SGCZ: variants seen among roughly 807,000 people sequenced by gnomAD.
The protein encoded by SGCZ is sarcoglycan zeta, also known as zeta-sarcoglycan.
Under a neutral mutation model 41.3 loss-of-function variants are expected in SGCZ, and 40 were observed. That is an observed-to-expected ratio of 0.97 (90% CI 0.75 to 1.26). SGCZ has a LOEUF of 1.26. Ranked by LOEUF, SGCZ falls within the 50% of genes most tolerant of loss-of-function variation. The pLI, the probability that SGCZ is intolerant of heterozygous loss-of-function variation, is 0.00. For synonymous variants in SGCZ, 206 were observed against 137.5 expected (o/e 1.50, Z -3.49); for missense variants, 552 against 369.8 (o/e 1.49, Z -4.04).
chr8:15,197,472 G>T (rs760730301), intron 1 of SGCZ, among the ~76,000 whole-genome samples: 44 of 152,282 alleles, frequency 2.9e-4, no homozygotes, highest in Non-Finnish European at 5.4e-4. Flanking sequence ...AAATAAGAAG[G>T]TGGTGTAGGA....
chr8:15,158,963 C>T (rs1799415668), intron 1 of SGCZ, among the ~76,000 whole-genome samples: 1 of 152,172 alleles, frequency 6.6e-6, no homozygotes, highest in Non-Finnish European at 1.5e-5. Context: ...CTCCTAAAAT[C>T]CTTAAAATCT....
At chr8:14,771,945 T>C (rs1585246977) in intron 1 of SGCZ, among the ~76,000 whole-genome samples, 1 of 152,188 alleles carries the variant, frequency 6.6e-6, no homozygotes. Flanking sequence ...ATGATATCTA[T>C]TTGATTTCAT....
intron 1 of SGCZ, among the ~76,000 whole-genome samples, chr8:15,223,186 T>C (rs568871491): frequency 1.1e-3 from 163 of 152,244 alleles, no homozygotes; most frequent in African/African-American, 3.8e-3. Context: ...CTGTCATCCG[T>C]TTCTGAAACC....
At chr8:14,326,770 C>A (rs1016644493) in intron 2 of SGCZ, among the ~76,000 whole-genome samples, 1 of 152,030 alleles carries the variant, frequency 6.6e-6, no homozygotes, top group Non-Finnish European at 1.5e-5. Flanking sequence ...TGATTTACAC[C>A]AGTTTTATAG....
intron 1 of SGCZ, among the ~76,000 whole-genome samples, chr8:14,986,936 G>T (rs1801843553): frequency 6.6e-6 from 1 of 151,754 alleles, no homozygotes; most frequent in South Asian, 2.1e-4. Flanking sequence ...CGTAATTGTG[G>T]AAAAAATTAA....
At chr8:14,551,863 C>G (rs1462943655) in intron 2 of SGCZ, among the ~76,000 whole-genome samples, 1 of 150,374 alleles carries the variant, frequency 6.7e-6, no homozygotes, top group Non-Finnish European at 1.5e-5. Flanking sequence ...ATACATCATG[C>G]AGAATATCGC....
At chr8:15,124,713 T>G (rs749365002) in intron 1 of SGCZ, among the ~76,000 whole-genome samples, 4 of 152,202 alleles carry the variant, frequency 2.6e-5, no homozygotes, top group Non-Finnish European at 5.9e-5. Flanking sequence ...TTTTTTAAAA[T>G]TATTATGAGG....
chr8:14,615,016 A>G (rs911718779), intron 1 of SGCZ, among the ~76,000 whole-genome samples: 1 of 152,050 alleles, frequency 6.6e-6, no homozygotes, highest in Admixed American at 6.6e-5. Flanking sequence ...GTGTGTGTAT[A>G]TATATATATG....
At chr8:14,894,849 T>C (rs1453657738) in intron 1 of SGCZ, among the ~76,000 whole-genome samples, 1 of 152,116 alleles carries the variant, frequency 6.6e-6, no homozygotes, top group Non-Finnish European at 1.5e-5. Flanking sequence ...AAGTTACTTC[T>C]CCTCAGAGTT....
At chr8:14,695,945 G>C (rs1405650074) in intron 1 of SGCZ, among the ~76,000 whole-genome samples, 1 of 151,926 alleles carries the variant, frequency 6.6e-6, no homozygotes, top group South Asian at 2.1e-4. Context: ...AAAAATAAAA[G>C]CTAAAACCTT....
intron 1 of SGCZ, among the ~76,000 whole-genome samples, chr8:14,575,813 G>A (rs67307558): frequency 0.24 from 35,845 of 151,300 alleles, 4,326 homozygotes; most frequent in Admixed American, 0.26. Context: ...GGCTGAGGCA[G>A]GAGAATCGCT....
chr8:14,999,138 T>C (rs1436662878), intron 1 of SGCZ, among the ~76,000 whole-genome samples: 3 of 152,194 alleles, frequency 2.0e-5, no homozygotes, highest in Non-Finnish European at 4.4e-5. Flanking sequence ...AAACAATGTG[T>C]GAATGTTTCC....
chr8:14,846,098 A>T (rs999167840), intron 1 of SGCZ, among the ~76,000 whole-genome samples: 12 of 152,100 alleles, frequency 7.9e-5, no homozygotes, highest in African/African-American at 2.9e-4. Flanking sequence ...ATTTCAAAAC[A>T]CCTCTCTCAA....
At chr8:14,411,808 ACTTAAAAATGTGCT>A (rs1203049008) in intron 2 of SGCZ, among the ~76,000 whole-genome samples, 1 of 152,146 alleles carries the variant, frequency 6.6e-6, no homozygotes, top group East Asian at 1.9e-4. Context: ...AATTCATGAC[ACTTAAAAATGTGCT>A]CTTTTTCCAG....
intron 1 of SGCZ, among the ~76,000 whole-genome samples, chr8:14,596,883 C>T (rs1038011853): frequency 2.7e-4 from 41 of 151,992 alleles, no homozygotes; most frequent in African/African-American, 9.7e-4. Flanking sequence ...AGAATATATT[C>T]CATGTGTTTC....
intron 4 of SGCZ, among the ~76,000 whole-genome samples, chr8:14,189,560 G>C (rs1046612350): frequency 1.3e-5 from 2 of 152,080 alleles, no homozygotes; most frequent in Non-Finnish European, 2.9e-5. Flanking sequence ...CCGGATCTTC[G>C]TGTGCTTTGC....
chr8:14,148,802 A>G (rs1352328072), intron 5 of SGCZ, among the ~76,000 whole-genome samples: 1 of 152,150 alleles, frequency 6.6e-6, no homozygotes, highest in African/African-American at 2.4e-5. Context: ...AATACTAGCA[A>G]ACTGAATTCA....
At chr8:15,009,869 C>T (rs908583511) in intron 1 of SGCZ, among the ~76,000 whole-genome samples, 1 of 152,074 alleles carries the variant, frequency 6.6e-6, no homozygotes, top group African/African-American at 2.4e-5. Context: ...ACAATAATTT[C>T]CTCTGTAGCA....
chr8:14,848,671 T>C (rs916920031), intron 1 of SGCZ, among the ~76,000 whole-genome samples: 2 of 152,102 alleles, frequency 1.3e-5, no homozygotes. Flanking sequence ...TTTGATCTTC[T>C]CTCCCACTAT....
Sources: allele counts gnomAD v4.1 joint callset (sites outside exome capture counted in the v4.1 genomes callset), GRCh38; gene constraint gnomAD v4.1.1; transcripts MANE v1.5; gene names NCBI Gene and HGNC (gene_info 2026-07-23, HGNC 2026-07-21).